Variants in BCL2L11 observed in about 807,000 individuals in gnomAD.
BCL2L11 encodes the protein BCL2 like 11, also known as bcl-2-like protein 11.
In BCL2L11, 15 loss-of-function variants were observed where a neutral mutation model predicts 20.6. That is an observed-to-expected ratio of 0.73 (90% confidence interval 0.49 to 1.12). The LOEUF (loss-of-function observed/expected upper bound fraction) is 1.12, where lower values mean the gene tolerates loss of function less well. Ranked by LOEUF, BCL2L11 falls within the 50% of genes most tolerant of loss-of-function variation. BCL2L11 has a pLI of 0.00. For synonymous variants in BCL2L11, 108 were observed against 92.8 expected (o/e 1.16, Z -0.94); for missense variants, 292 against 260.9 (o/e 1.12, Z -0.82).
intron 1 of BCL2L11, chr2:111,122,691 A>G (rs1276052116): frequency 1.4e-5 from 14 of 982,232 alleles, no homozygotes; most frequent in South Asian, 4.5e-5. Flanking sequence ...AGCGCGGGCC[A>G]GAGGCGCGGC....
At chr2:111,134,475 A>G (rs1237047809) in intron 2 of BCL2L11, among the ~76,000 whole-genome samples, 2 of 152,122 alleles carry the variant, frequency 1.3e-5, no homozygotes, top group African/African-American at 2.4e-5. Flanking sequence ...CATTTTTCCA[A>G]TATAATTGTC....
chr2:111,163,425 C>T lies in BCL2L11; in HGVS notation c.499-708C>T, dbSNP rs73954974. The stretch of plus-strand genomic sequence containing the variant: ...AAATGGATTAGAACCTGAAAGTGGG[C>T]GCTGTGGAAGACCTGAGGACCCTGA... On this transcript the variant is annotated intron_variant, in intron 3 of 3. Coordinates refer to ENST00000393256, the MANE Select transcript of BCL2L11 (RefSeq NM_138621.5). 4.2e-3 allele frequency: 639 copies of T among 152,280 alleles called. 3 individuals carry two copies. The highest frequency in any genetic ancestry group is 0.014 in the African/African-American group (564 of 41,528). The allele number at this position is 152,280 out of a possible 1,614,324, so 9.4% of individuals were successfully genotyped here. A position where few individuals can be genotyped will look rare whatever the true frequency, so the allele number is the denominator to read the frequency against.
At chr2:111,123,107 C>T (rs1391009555) in intron 1 of BCL2L11, 1 of 979,964 alleles carries the variant, frequency 1.0e-6, no homozygotes, top group Admixed American at 6.1e-5. Context: ...CAGAGAAGTT[C>T]TGTCTGATTC....
chr2:111,157,248 T>TG (rs2077980609), intron 3 of BCL2L11, among the ~76,000 whole-genome samples: 1 of 151,804 alleles, frequency 6.6e-6, no homozygotes, highest in Non-Finnish European at 1.5e-5. Context: ...GAGGTCTAAC[T>TG]GGGGTTTTTT....
At chr2:111,131,755 C>T (rs2073992860) in intron 2 of BCL2L11, 1 of 152,000 alleles carries the variant, frequency 6.6e-6, no homozygotes, top group African/African-American at 2.4e-5. Context: ...CTCGGGCAGC[C>T]TCAAGATGAG....
chr2:111,150,009 C>T, intron 2 of BCL2L11, 35 bp from the exon 3 acceptor site: 2 of 1,579,360 alleles, frequency 1.3e-6, no homozygotes, highest in East Asian at 2.2e-5. Context: ...CTGTGGACCA[C>T]AATGTGATTT....
chr2:111,121,108 C>G lies in BCL2L11; in HGVS notation c.-94C>G, dbSNP rs1165278767. On this transcript the variant is annotated 5_prime_UTR_variant, in exon 1 of 4. Transcript: ENST00000393256. ...CGCGGTATTCGGTTCGCTGCGTTCC[C>G]GCCGCCACCGCCTCGGCGCCCTTTC... is the stretch of plus-strand genomic sequence containing the variant. 1.7e-5 allele frequency: 5 copies of G among 292,324 alleles called. No individual in the cohort carries two copies. The highest frequency in any genetic ancestry group is 3.2e-5 in the Non-Finnish European group (5 of 158,074). 18.1% of individuals were successfully genotyped at this position (292,324 alleles called of 1,614,324 possible). A position where few individuals can be genotyped will look rare whatever the true frequency, so the allele number is the denominator to read the frequency against.
chr2:111,151,695 AAC>A, intron 3 of BCL2L11: 1 of 782,338 alleles, frequency 1.3e-6, no homozygotes. Context: ...GAGTCAAGAA[AAC>A]ACACATCGGA....
intron 3 of BCL2L11, among the ~76,000 whole-genome samples, chr2:111,150,745 AT>A (rs2077148337): frequency 6.6e-6 from 1 of 152,168 alleles, no homozygotes; most frequent in African/African-American, 2.4e-5. Flanking sequence ...ATTGCCACTT[AT>A]TTTGAGCTAT....
At chr2:111,153,647 G>A in intron 3 of BCL2L11, 1 of 1,069,308 alleles carries the variant, frequency 9.4e-7, no homozygotes, top group South Asian at 1.5e-5. Flanking sequence ...TGCTGCTTTA[G>A]GATGGATATT....
chr2:111,140,284 A>T (rs1559048745), intron 2 of BCL2L11, among the ~76,000 whole-genome samples: 1 of 152,198 alleles, frequency 6.6e-6, no homozygotes. Flanking sequence ...TTTCAAGCTG[A>T]TAAGAGTGTG....
At chr2:111,148,337 C>T (rs936941259) in intron 2 of BCL2L11, among the ~76,000 whole-genome samples, 1 of 152,138 alleles carries the variant, frequency 6.6e-6, no homozygotes, top group Non-Finnish European at 1.5e-5. Flanking sequence ...CCCCTAAGGG[C>T]GAACTAACTT....
intron 3 of BCL2L11, among the ~76,000 whole-genome samples, chr2:111,158,346 T>C (rs1283510530): frequency 6.6e-6 from 1 of 152,120 alleles, no homozygotes; most frequent in Non-Finnish European, 1.5e-5. Flanking sequence ...TCAGTGTCCC[T>C]AAAGATGCCG....
intron 2 of BCL2L11, among the ~76,000 whole-genome samples, chr2:111,140,316 C>G (rs1218896944): frequency 6.6e-6 from 1 of 152,082 alleles, no homozygotes; most frequent in Non-Finnish European, 1.5e-5. Flanking sequence ...GAAACACGTT[C>G]AATATAAGGA....
At chr2:111,154,407 A>G (rs1386001006) in intron 3 of BCL2L11, among the ~76,000 whole-genome samples, 1 of 151,520 alleles carries the variant, frequency 6.6e-6, no homozygotes, top group Non-Finnish European at 1.5e-5. Flanking sequence ...CCAATGTAGG[A>G]TAATGCATTG....
At chr2:111,153,148 C>T (rs1299006497) in intron 3 of BCL2L11, among the ~76,000 whole-genome samples, 3 of 152,150 alleles carry the variant, frequency 2.0e-5, no homozygotes, top group South Asian at 2.1e-4. Context: ...GAGGCTGAGG[C>T]GGGTGGATCA....
intron 3 of BCL2L11, among the ~76,000 whole-genome samples, chr2:111,160,965 T>G (rs1426300037): frequency 4.6e-5 from 7 of 152,194 alleles, no homozygotes; most frequent in Non-Finnish European, 5.9e-5. Context: ...GGAATTTATT[T>G]TTCTTAGTTC....
In BCL2L11 at chr2:111,161,536, A is replaced by C. The variant is rs181862206; in HGVS notation, c.499-2597A>C. ...GAAGACGGTCAAGGCATGGCTGCTG[A>C]TGATCCGCTTATGGGTGTGTTTATT... is the stretch of plus-strand genomic sequence containing the variant. On this transcript the variant is annotated intron_variant, in intron 3 of 3. Transcript: ENST00000393256. The C allele has an allele frequency of 1.1e-4, 169 of 1,547,512 alleles. 6 individuals carry two copies. Among genetic ancestry groups the C allele is most frequent in the South Asian group, 8.2e-4 (69 of 83,924 alleles).
rs1257681607 is a variant in BCL2L11, at chr2:111,150,124, T to G, written c.475T>G (p.Phe159Val). 1 of 1,613,368 alleles carries G rather than the reference T, an allele frequency of 6.2e-7. No homozygotes were observed. Among genetic ancestry groups the G allele is most frequent in the Middle Eastern group, 1.7e-4 (1 of 6,060 alleles). ...AGAGTTGCGGCGTATTGGAGACGAGTTTAACGCTTACTATGCAAGGAGGGT... is the reference window on the plus strand; with the variant it reads ...AGAGTTGCGGCGTATTGGAGACGAGGTTAACGCTTACTATGCAAGGAGGGT... ...AQELRRIGDEFNAYYARRVFL... is the reference protein window; with the variant it reads ...AQELRRIGDEVNAYYARRVFL... The change falls in exon 3 of 4, where the codon TTT (phenylalanine) becomes GTT (valine). Residue 159 changes from phenylalanine (F) to valine (V), a missense_variant. Phe to Val is a conservative substitution (Grantham distance 50). Transcript: ENST00000393256.
Sources: gnomAD v4.1 joint callset for allele counts (sites outside exome capture counted in the v4.1 genomes callset) on GRCh38, gnomAD v4.1.1 for gene constraint, MANE v1.5 for transcripts, NCBI Gene and HGNC (gene_info 2026-07-23, HGNC 2026-07-21) for gene names.